Variants in SLC12A6 observed in about 807,000 individuals in gnomAD.
The protein encoded by SLC12A6 is K-Cl cotransporter 3.
SLC12A6 carries 66 observed loss-of-function variants against 135.3 expected under a neutral mutation model. The ratio of observed to expected loss-of-function variants is 0.49; its 90% CI spans 0.40 to 0.60. The LOEUF is 0.60. SLC12A6 is among the 20% of genes least tolerant of loss of function. The probability of loss-of-function intolerance (pLI) is 0.00; values close to 1 mark genes in which losing one functional copy is unlikely to be tolerated. For missense variants in SLC12A6, 1,058 were observed against 1,452.3 expected, an observed-to-expected ratio of 0.73 and a Z score of 4.41; for synonymous variants, 513 against 508.8, an observed-to-expected ratio of 1.01 and a Z score of -0.11.
At chr15:34,285,717 T>TATA (rs144158165) in intron 2 of SLC12A6, among the ~76,000 whole-genome samples, 22,205 of 130,894 alleles carry the variant, frequency 0.17, 2,536 homozygotes, top group African/African-American at 0.33. Context: ...TGTGTGTTTG[T>TATA]CATACATAAA....
chr15:34,276,481 A>G (rs8039233), intron 2 of SLC12A6, among the ~76,000 whole-genome samples: 5,978 of 152,298 alleles, frequency 0.039, 219 homozygotes, highest in African/African-American at 0.099. Context: ...TCAACCACTT[A>G]CTTATTTTAA....
chr15:34,295,910 G>A (rs1895847485), intron 2 of SLC12A6, among the ~76,000 whole-genome samples: 1 of 152,196 alleles, frequency 6.6e-6, no homozygotes, highest in Non-Finnish European at 1.5e-5. Context: ...TGAGGCAGGA[G>A]AATTGCTTGA....
intron 3 of SLC12A6, among the ~76,000 whole-genome samples, chr15:34,267,362 A>T (rs1001637203): frequency 2.0e-5 from 3 of 152,158 alleles, no homozygotes; most frequent in African/African-American, 7.2e-5. Flanking sequence ...TCAGACTACT[A>T]GTCTTCTAGG....
chr15:34,255,139 G>A (rs1049347784), intron 8 of SLC12A6, 123 bp downstream of exon 8: 10 of 833,400 alleles, frequency 1.2e-5, no homozygotes, highest in Non-Finnish European at 1.9e-5. Context: ...GAGGCCAACT[G>A]ACGTTGGCAG....
intron 2 of SLC12A6, chr15:34,318,534 C>T (rs1846910345): frequency 6.3e-7 from 1 of 1,589,692 alleles, no homozygotes; most frequent in South Asian, 1.1e-5. Context: ...TTTATAGGTT[C>T]CAAAAGCTCC....
intron 19 of SLC12A6, among the ~76,000 whole-genome samples, chr15:34,239,541 A>C (rs893003865): frequency 3.9e-5 from 6 of 152,222 alleles, no homozygotes; most frequent in Non-Finnish European, 7.3e-5. Flanking sequence ...CCTCAGCCCC[A>C]GTCATGCCCT....
chr15:34,237,313 A>T, intron 22 of SLC12A6, 106 bp downstream of exon 22: 1 of 988,034 alleles, frequency 1.0e-6, no homozygotes, highest in Non-Finnish European at 1.6e-6. Context: ...TAGGGGATTA[A>T]TCCACATTTA....
chr15:34,310,005 C>CTTTTTTTTTTTTT lies in SLC12A6; in HGVS notation c.271+26392_271+26404dup, dbSNP rs879478639. 8.2e-3 allele frequency among the ~76,000 whole-genome samples: 1,181 copies of CTTTTTTTTTTTTT among 143,880 alleles called. 8 individuals carry two copies. The highest frequency in any genetic ancestry group is 0.033 in the Middle Eastern group (9 of 270). 94.4% of individuals were successfully genotyped at this position (143,880 alleles called of 152,430 possible). A position where few individuals can be genotyped will look rare whatever the true frequency, so the allele number is the denominator to read the frequency against. ...ATGTTAGTGAATAAAAAGAGATAATCTTTTTTTTTTTTTGAGACAGGGTCT... is the reference window on the plus strand; with the variant it reads ...ATGTTAGTGAATAAAAAGAGATAATCTTTTTTTTTTTTTTTTTTTTTTTTTTGAGACAGGGTCT... On this transcript the variant is annotated intron_variant, in intron 2 of 25. Transcript: ENST00000354181.
At chr15:34,332,147 T>C (rs16959014) in intron 2 of SLC12A6, among the ~76,000 whole-genome samples, 26,350 of 152,196 alleles carry the variant, frequency 0.17, 2,667 homozygotes, top group East Asian at 0.33. Flanking sequence ...CATATTTCTA[T>C]TGTTGGACTT....
chr15:34,242,460 T>G (rs1891706906), intron 16 of SLC12A6, among the ~76,000 whole-genome samples: 1 of 152,202 alleles, frequency 6.6e-6, no homozygotes, highest in African/African-American at 2.4e-5. Context: ...CTCAATTCTA[T>G]AGTTGTCTTA....
In SLC12A6 at chr15:34,311,285, T is replaced by C. The variant is rs182493835; in HGVS notation, c.271+25125A>G. Among the ~76,000 whole-genome samples the C allele has an allele frequency of 4.6e-5, 7 of 152,286 alleles. No homozygotes were observed. The East Asian group carries it at 1.3e-3, about 29-fold the overall frequency. On this transcript the variant is annotated intron_variant, in intron 2 of 25. Coordinates refer to ENST00000354181, the MANE Select transcript of SLC12A6 (RefSeq NM_001365088.1). ...AGCAGGGGAGAAAATCTCGAACAATTATTTCACAAAAATACTAACCATAAT... is the reference window on the plus strand; with the variant it reads ...AGCAGGGGAGAAAATCTCGAACAATCATTTCACAAAAATACTAACCATAAT...
intron 2 of SLC12A6, among the ~76,000 whole-genome samples, chr15:34,283,806 T>C (rs1351143085): frequency 1.3e-5 from 2 of 151,846 alleles, no homozygotes; most frequent in African/African-American, 2.4e-5. Context: ...TGGAGTGCAG[T>C]GGTGCAATCA....
In SLC12A6 at chr15:34,336,677, G is replaced by T. The variant is rs1324212710; in HGVS notation, c.4C>A (p.His2Asn). 2 of 1,613,810 alleles carry T rather than the reference G, an allele frequency of 1.2e-6. No homozygotes were observed. Among genetic ancestry groups the T allele is most frequent in the Non-Finnish European group, 1.7e-6 (2 of 1,179,720 alleles). Residue 2 changes from histidine (H) to asparagine (N), a missense_variant, in exon 2 of 26, where the codon CAT becomes AAT. Physicochemically the swap from His to Asn is moderately conservative, Grantham distance 68. Coordinates refer to ENST00000354181, the MANE Select transcript of SLC12A6 (RefSeq NM_001365088.1). M[H>N]PPETTTKMAS... The stretch of plus-strand genomic sequence containing the variant: ...ATCTTGGTGGTGGTTTCTGGAGGAT[G>T]CATTTTGTTCTTTTTAAGAACAAAA...
intron 2 of SLC12A6, among the ~76,000 whole-genome samples, chr15:34,319,755 C>T (rs1054379640): frequency 3.3e-5 from 5 of 150,890 alleles, no homozygotes; most frequent in African/African-American, 7.3e-5. Flanking sequence ...GCAGAGATTG[C>T]GCCACTGCAC....
chr15:34,320,516 G>GA (rs897867540), intron 2 of SLC12A6, among the ~76,000 whole-genome samples: 9 of 151,130 alleles, frequency 6.0e-5, no homozygotes, highest in South Asian at 2.1e-4. Context: ...GATTAAAGAG[G>GA]AAAAAAAGAA....
At chr15:34,235,430 G>GTTTTTTT (rs1340964496) in intron 24 of SLC12A6, 116 bp from the exon 25 acceptor site, 2 of 539,704 alleles carry the variant, frequency 3.7e-6, no homozygotes, top group Non-Finnish European at 6.2e-6. Flanking sequence ...CTGATAAAAT[G>GTTTTTTT]ATTTTTTTTT....
chr15:34,230,517 A>AGAT lies in SLC12A6; in HGVS notation c.*3361_*3363dup, dbSNP rs1393089931. On this transcript the variant is annotated 3_prime_UTR_variant, in exon 26 of 26. Coordinates refer to ENST00000354181, the MANE Select transcript of SLC12A6 (RefSeq NM_001365088.1). ...GCTGCAGTTCAAACTTCAGCTTTTA[A>AGAT]GATAGATAGCTATTGAAGGCAGAGG... 6.6e-6 allele frequency: 1 copy of AGAT among 152,612 alleles called. No homozygotes were observed. Among genetic ancestry groups the AGAT allele is most frequent in the East Asian group, 1.9e-4 (1 of 5,200 alleles). 9.5% of individuals were successfully genotyped at this position (152,612 alleles called of 1,614,324 possible).
chr15:34,310,590 TGTCCCC>T (rs1566860695), intron 2 of SLC12A6, among the ~76,000 whole-genome samples: 5 of 95,874 alleles, frequency 5.2e-5, no homozygotes, highest in Non-Finnish European at 8.2e-5. Context: ...TGTGTGTGTG[TGTCCCC>T]GTGTCCAGGC....
chr15:34,262,328 C>T (rs899952681), intron 3 of SLC12A6, among the ~76,000 whole-genome samples: 2 of 152,158 alleles, frequency 1.3e-5, no homozygotes, highest in African/African-American at 4.8e-5. Context: ...AGGCCCCAGC[C>T]CCAGCCCCAA....
Sources: gnomAD v4.1 joint callset for allele counts (sites outside exome capture counted in the v4.1 genomes callset) on GRCh38, gnomAD v4.1.1 for gene constraint, MANE v1.5 for transcripts, NCBI Gene and HGNC (gene_info 2026-07-23, HGNC 2026-07-21) for gene names.